Variants in NTM observed in about 807,000 individuals in gnomAD.
NTM encodes IgLON family member 2.
A neutral mutation model predicts 42.1 loss-of-function variants in NTM; 13 were observed. That is an observed-to-expected ratio of 0.31 (90% CI 0.20 to 0.49). The LOEUF (loss-of-function observed/expected upper bound fraction) is 0.49. Among genes scored for constraint, NTM ranks in the 20% least tolerant of loss-of-function variants. The pLI is 0.99. For missense variants in NTM, 373 were observed against 452.8 expected (o/e 0.82, Z 1.60); for synonymous variants, 187 against 179.2 (o/e 1.04, Z -0.35).
At chr11:131,811,713 A>G (rs1484953650) in intron 1 of NTM, among the ~76,000 whole-genome samples, 1 of 152,196 alleles carries the variant, frequency 6.6e-6, no homozygotes, top group Admixed American at 6.5e-5. Flanking sequence ...GTCGTGATGG[A>G]TGGGCTCATT....
intron 1 of NTM, among the ~76,000 whole-genome samples, chr11:131,519,321 T>C (rs977209827): frequency 6.6e-6 from 1 of 152,182 alleles, no homozygotes; most frequent in Non-Finnish European, 1.5e-5. Flanking sequence ...CAGGTCTTCA[T>C]AGGAGGCTGC....
chr11:131,549,311 T>C (rs866595240), intron 1 of NTM, among the ~76,000 whole-genome samples: 3 of 152,076 alleles, frequency 2.0e-5, no homozygotes, highest in Non-Finnish European at 4.4e-5. Context: ...TTGCAATAAA[T>C]TGAGTCAGCA....
intron 1 of NTM, among the ~76,000 whole-genome samples, chr11:131,657,425 CAT>C (rs2067349907): frequency 6.6e-6 from 1 of 152,242 alleles, no homozygotes; most frequent in Non-Finnish European, 1.5e-5. Context: ...TTTAATGCCA[CAT>C]GTCAGCAGGT....
intron 6 of NTM, among the ~76,000 whole-genome samples, chr11:132,311,804 A>C (rs1290478817): frequency 1.3e-5 from 2 of 152,194 alleles, no homozygotes; most frequent in African/African-American, 4.8e-5. Flanking sequence ...GAGGAAAATA[A>C]AGCAAAAGTG....
At chr11:131,646,059 A>G (rs2065736442) in intron 1 of NTM, among the ~76,000 whole-genome samples, 2 of 152,246 alleles carry the variant, frequency 1.3e-5, no homozygotes, top group South Asian at 4.1e-4. Flanking sequence ...GCACAGAGAT[A>G]TTGATAAGAG....
intron 1 of NTM, chr11:131,503,000 A>T (rs1158646013): frequency 6.6e-6 from 1 of 152,334 alleles, no homozygotes; most frequent in Non-Finnish European, 1.5e-5. Flanking sequence ...GGAAGTACAG[A>T]CAGAGGAAAC....
At chr11:131,608,881 G>GGAGT (rs1482726818) in intron 1 of NTM, among the ~76,000 whole-genome samples, 1 of 152,198 alleles carries the variant, frequency 6.6e-6, no homozygotes, top group Non-Finnish European at 1.5e-5. Context: ...AGTTGACGAT[G>GGAGT]GAGTCATGAT....
rs1170366843 is a variant in NTM, at chr11:132,246,642, TGA to T, written c.526+34499_526+34500del. 2.7e-4 allele frequency among the ~76,000 whole-genome samples: 41 copies of T among 152,316 alleles called. 1 individual carries two copies. The highest frequency in any genetic ancestry group is 2.3e-3 in the East Asian group (12 of 5,164). ...CGCACACCTGCGGTGAGGAGTGAGT[TGA>T]GAGGAAGAAGCTGAAAAATGAGCTG... On this transcript the variant is annotated intron_variant, in intron 4 of 8. Transcript: ENST00000683400.
At chr11:131,788,638 A>C (rs7124314) in intron 1 of NTM, among the ~76,000 whole-genome samples, 56,122 of 151,956 alleles carry the variant, frequency 0.37, 11,602 homozygotes, top group East Asian at 0.57. Context: ...CACCCATCAA[A>C]ATGCCCGATT....
At chr11:131,403,850 C>A (rs1283615102) in intron 1 of NTM, among the ~76,000 whole-genome samples, 1 of 152,128 alleles carries the variant, frequency 6.6e-6, no homozygotes, top group East Asian at 1.9e-4. Context: ...CCGAAATTCA[C>A]TCCTGTTATA....
chr11:132,226,695 A>G (rs2086374741), intron 4 of NTM, among the ~76,000 whole-genome samples: 1 of 152,196 alleles, frequency 6.6e-6, no homozygotes, highest in African/African-American at 2.4e-5. Context: ...TATGCCAGTT[A>G]GAATACTGTT....
intron 1 of NTM, among the ~76,000 whole-genome samples, chr11:131,380,964 T>C (rs1327132034): frequency 2.6e-5 from 4 of 152,234 alleles, no homozygotes; most frequent in Non-Finnish European, 5.9e-5. Flanking sequence ...AAATCTTTTT[T>C]CCCGTATATT....
rs924863853 is a variant in NTM, at chr11:132,330,022, G to T, written c.935-131G>T. On this transcript the variant is annotated intron_variant, in intron 7 of 8. Coordinates refer to ENST00000683400, the MANE Select transcript of NTM (RefSeq NM_001352005.2). ...CTGGGCAGTGGTCAGGACAGCAAGG[G>T]ACATGGGCAAGAGGCGCAGGGACGC... 67 of 1,430,960 alleles carry T rather than the reference G, an allele frequency of 4.7e-5. 1 individual carries two copies. Among genetic ancestry groups the T allele is most frequent in the Non-Finnish European group, 5.5e-5 (59 of 1,066,598 alleles). The allele number at this position is 1,430,960 out of a possible 1,614,324, so 88.6% of individuals were successfully genotyped here.
At chr11:131,470,949 C>T (rs1299237418) in intron 1 of NTM, among the ~76,000 whole-genome samples, 3 of 152,104 alleles carry the variant, frequency 2.0e-5, no homozygotes, top group Non-Finnish European at 2.9e-5. Context: ...CTGTGCTCGC[C>T]GAGTAGAAAT....
intron 1 of NTM, among the ~76,000 whole-genome samples, chr11:131,388,543 C>T (rs2135570183): frequency 6.6e-6 from 1 of 151,018 alleles, no homozygotes; most frequent in East Asian, 2.0e-4. Context: ...ATAGCCTGAT[C>T]AGAATCAGTG....
At chr11:132,115,909 A>C (rs1235251634) in intron 2 of NTM, among the ~76,000 whole-genome samples, 1 of 152,184 alleles carries the variant, frequency 6.6e-6, no homozygotes, top group East Asian at 1.9e-4. Flanking sequence ...GCAAATAAGC[A>C]AAACAACCTA....
intron 1 of NTM, among the ~76,000 whole-genome samples, chr11:131,509,408 T>G (rs1362041705): frequency 6.6e-6 from 1 of 152,232 alleles, no homozygotes; most frequent in Non-Finnish European, 1.5e-5. Flanking sequence ...TTCAGCTGCC[T>G]TCTTCTCCCA....
intron 1 of NTM, among the ~76,000 whole-genome samples, chr11:131,526,413 C>A (rs968928741): frequency 6.6e-6 from 1 of 152,192 alleles, no homozygotes; most frequent in Non-Finnish European, 1.5e-5. Context: ...GAGCGTGCAT[C>A]TCCAATGTCC....
intron 1 of NTM, among the ~76,000 whole-genome samples, chr11:131,752,519 T>C (rs7949432): frequency 0.46 from 69,370 of 152,010 alleles, 15,956 homozygotes; most frequent in Admixed American, 0.51. Flanking sequence ...TACCATTTGA[T>C]TCAGCAATCC....
Sources: allele counts gnomAD v4.1 joint callset (sites outside exome capture counted in the v4.1 genomes callset), GRCh38; gene constraint gnomAD v4.1.1; transcripts MANE v1.5; gene names NCBI Gene and HGNC (gene_info 2026-07-23, HGNC 2026-07-21).